Variants in MAP4 observed in about 807,000 individuals in gnomAD.
MAP4 encodes microtubule associated protein 4, also known as microtubule-associated protein 4.
MAP4 carries 76 observed loss-of-function variants against 170.2 expected under a neutral mutation model. That is an observed-to-expected ratio of 0.45 (90% CI 0.37 to 0.54). MAP4 has a LOEUF of 0.54. Among genes scored for constraint, MAP4 ranks in the 20% least tolerant of loss-of-function variants. MAP4 has a pLI of 0.00. For synonymous variants in MAP4, 909 were observed against 994.5 expected, an observed-to-expected ratio of 0.91 and a Z score of 1.62; for missense variants, 2,506 against 2,748.0, an observed-to-expected ratio of 0.91 and a Z score of 1.97.
At chr3:48,080,796 T>C (rs113290491) in intron 1 of MAP4, among the ~76,000 whole-genome samples, 2 of 148,862 alleles carry the variant, frequency 1.3e-5, no homozygotes, top group Non-Finnish European at 3.0e-5. Flanking sequence ...CTGGCTAACA[T>C]GGGGAAACTC....
intron 3 of MAP4, among the ~76,000 whole-genome samples, chr3:47,965,371 A>G (rs971824740): frequency 2.0e-5 from 3 of 152,236 alleles, no homozygotes; most frequent in Non-Finnish European, 4.4e-5. Flanking sequence ...TGAGTGTACA[A>G]ATATCTGTTC....
chr3:47,961,857 G>A (rs1396208626), intron 3 of MAP4, among the ~76,000 whole-genome samples: 4 of 152,260 alleles, frequency 2.6e-5, no homozygotes, highest in East Asian at 3.9e-4. Context: ...TGGTGATGCC[G>A]CAGCACCCCC....
At chr3:47,994,948 C>CA (rs765432631) in intron 2 of MAP4, among the ~76,000 whole-genome samples, 6,164 of 84,220 alleles carry the variant, frequency 0.073, 432 homozygotes, top group African/African-American at 0.22. Context: ...GACTCCATCT[C>CA]AAAAAAAAAA....
rs186905810 is a variant in MAP4, at chr3:47,930,459, A to C, written c.293-2109T>G. Among the ~76,000 whole-genome samples, 958 of 151,546 alleles carry C rather than the reference A, an allele frequency of 6.3e-3. 6 individuals carry two copies. The highest frequency in any genetic ancestry group is 0.01 in the Middle Eastern group (3 of 294). ...AGAGCGAGACTCCGTCTCAAAAAAA[A>C]AAACAAACAAACAAACAAAAAAAAC... is the stretch of plus-strand genomic sequence containing the variant. On this transcript the variant is annotated intron_variant, in intron 3 of 20. Coordinates refer to ENST00000683076, the MANE Select transcript of MAP4 (RefSeq NM_001385682.1).
chr3:48,032,386 C>T (rs940290794), intron 1 of MAP4, among the ~76,000 whole-genome samples: 9 of 151,816 alleles, frequency 5.9e-5, no homozygotes, highest in African/African-American at 1.9e-4. Flanking sequence ...CCTGTAATCC[C>T]AGCTACTAGG....
chr3:47,888,044 T>C (rs1269959794), intron 10 of MAP4, among the ~76,000 whole-genome samples: 2 of 152,086 alleles, frequency 1.3e-5, no homozygotes, highest in Non-Finnish European at 2.9e-5. Context: ...GGTTTGTGAG[T>C]GCACCAATCG....
chr3:47,989,742 A>G (rs942325398), intron 2 of MAP4, among the ~76,000 whole-genome samples: 1 of 152,218 alleles, frequency 6.6e-6, no homozygotes, highest in Non-Finnish European at 1.5e-5. Context: ...CCTGCCAGAT[A>G]AGACATACTG....
intron 10 of MAP4, among the ~76,000 whole-genome samples, chr3:47,901,191 T>C (rs916712032): frequency 2.6e-5 from 4 of 152,228 alleles, no homozygotes; most frequent in Non-Finnish European, 4.4e-5. Flanking sequence ...TGTATTTCCA[T>C]AGGATCTAGC....
intron 13 of MAP4, 84 bp from the exon 14 acceptor site, chr3:47,871,370 T>C (rs2092582662): frequency 4.6e-6 from 5 of 1,096,204 alleles, no homozygotes; most frequent in Non-Finnish European, 7.0e-6. Flanking sequence ...CCTCATTATT[T>C]AACAATTACT....
intron 3 of MAP4, among the ~76,000 whole-genome samples, chr3:47,967,869 G>A (rs895063910): frequency 2.6e-5 from 4 of 151,876 alleles, no homozygotes; most frequent in East Asian, 1.9e-4. Context: ...AAACTGAGGC[G>A]GGAGGATTAC....
chr3:48,022,774 C>T (rs183309658), intron 1 of MAP4, among the ~76,000 whole-genome samples: 2 of 152,240 alleles, frequency 1.3e-5, no homozygotes, highest in East Asian at 3.9e-4. Flanking sequence ...GCCTATAGTC[C>T]CAGCTACTCA....
intron 1 of MAP4, among the ~76,000 whole-genome samples, chr3:48,074,676 T>TTTTGTGGGTGTGTGTGTG (rs746281743): frequency 1.1e-5 from 1 of 90,640 alleles, no homozygotes; most frequent in Non-Finnish European, 2.1e-5. Flanking sequence ...ATCCAGCTAA[T>TTTTGTGGGTGTGTGTGTG]TGTGTGTGTG....
chr3:47,868,362 T>C (rs115737254), intron 16 of MAP4, among the ~76,000 whole-genome samples: 1 of 152,320 alleles, frequency 6.6e-6, no homozygotes, highest in Non-Finnish European at 1.5e-5. Flanking sequence ...TCTAGCCTTT[T>C]TCACAACTTT....
At chr3:48,051,093 C>CAA (rs1491252922) in intron 1 of MAP4, among the ~76,000 whole-genome samples, 1 of 76,566 alleles carries the variant, frequency 1.3e-5, no homozygotes, top group Admixed American at 1.1e-4. Context: ...ATTCAATTTC[C>CAA]ACACACACAC....
chr3:47,984,108 C>G (rs913275477), intron 2 of MAP4, among the ~76,000 whole-genome samples: 3 of 152,112 alleles, frequency 2.0e-5, no homozygotes, highest in Non-Finnish European at 4.4e-5. Flanking sequence ...CCTGCCTTTC[C>G]TCCTGCCTCA....
chr3:48,028,062 T>C (rs2100114027), intron 1 of MAP4, among the ~76,000 whole-genome samples: 2 of 151,522 alleles, frequency 1.3e-5, no homozygotes, highest in African/African-American at 2.4e-5. Context: ...GAGGCCAAGG[T>C]GGGCAGATCA....
chr3:48,010,186 C>A (rs1207207995), intron 1 of MAP4, among the ~76,000 whole-genome samples: 2 of 152,132 alleles, frequency 1.3e-5, no homozygotes, highest in South Asian at 2.1e-4. Context: ...GATCACTCCA[C>A]CAGGAAAAAA....
At chr3:47,982,991 G>C (rs970807101) in intron 2 of MAP4, among the ~76,000 whole-genome samples, 1 of 151,466 alleles carries the variant, frequency 6.6e-6, no homozygotes, top group African/African-American at 2.4e-5. Flanking sequence ...TCTGTCTCCC[G>C]GGTTCAAGCA....
chr3:47,978,778 A>G (rs1373393551), intron 2 of MAP4, among the ~76,000 whole-genome samples: 1 of 117,060 alleles, frequency 8.5e-6, no homozygotes. Flanking sequence ...AATTAGTTGT[A>G]TCTTATTCCC....
Sources: gnomAD v4.1 joint callset for allele counts (sites outside exome capture counted in the v4.1 genomes callset) on GRCh38, gnomAD v4.1.1 for gene constraint, MANE v1.5 for transcripts, NCBI Gene and HGNC (gene_info 2026-07-23, HGNC 2026-07-21) for gene names.